WDR64: variants seen among roughly 807,000 people sequenced by gnomAD.
WDR64 encodes WD repeat domain 64, also known as WD repeat-containing protein 64.
In WDR64, 112 loss-of-function variants were observed where a neutral mutation model predicts 139.3. That is an observed-to-expected ratio of 0.80 (90% CI 0.69 to 0.94). WDR64 has a LOEUF of 0.94. Among genes scored for constraint, WDR64 ranks in the 40% least tolerant of loss-of-function variants. WDR64 has a pLI of 0.00. For synonymous variants in WDR64, 444 were observed against 437.7 expected (o/e 1.01, Z -0.18); for missense variants, 1,206 against 1,293.1 (o/e 0.93, Z 1.03).
chr1:241,760,560 T>C (rs1008072788), intron 15 of WDR64, among the ~76,000 whole-genome samples: 4 of 150,790 alleles, frequency 2.7e-5, no homozygotes, highest in South Asian at 2.1e-4. Flanking sequence ...ATATCTAATA[T>C]ACAGCAAACT....
chr1:241,671,197 T>C, intron 3 of WDR64, 21 bp downstream of exon 3: 1 of 1,426,474 alleles, frequency 7.0e-7, no homozygotes, highest in Non-Finnish European at 9.6e-7. Context: ...AATTTTCTCT[T>C]CCAAATTAGT....
At chr1:241,659,682 A>G (rs932763749) in intron 1 of WDR64, among the ~76,000 whole-genome samples, 3 of 152,098 alleles carry the variant, frequency 2.0e-5, no homozygotes, top group African/African-American at 4.8e-5. Flanking sequence ...TTTTTTTCAT[A>G]TATTTGTTGG....
At chr1:241,788,665 G>C (rs1226432776) in intron 24 of WDR64, among the ~76,000 whole-genome samples, 1 of 152,214 alleles carries the variant, frequency 6.6e-6, no homozygotes, top group Admixed American at 6.5e-5. Context: ...TAATTCAAAA[G>C]ATGGTAGAAG....
intron 17 of WDR64, among the ~76,000 whole-genome samples, chr1:241,770,285 G>A (rs201532092): frequency 6.6e-6 from 1 of 152,186 alleles, no homozygotes; most frequent in Non-Finnish European, 1.5e-5. Context: ...AGACAGGCTT[G>A]TAAGGTCCCC....
chr1:241,668,961 T>C (rs1396816003), intron 2 of WDR64, among the ~76,000 whole-genome samples: 1 of 152,016 alleles, frequency 6.6e-6, no homozygotes, highest in South Asian at 2.1e-4. Context: ...TGGTCTGGAT[T>C]AACATATCAT....
chr1:241,711,448 G>A (rs1482180008), intron 8 of WDR64, among the ~76,000 whole-genome samples: 2 of 152,070 alleles, frequency 1.3e-5, no homozygotes, highest in Admixed American at 1.3e-4. Flanking sequence ...AAGGGTTCCT[G>A]GCATTATGTG....
At chr1:241,769,060 A>C (rs1658307142) in intron 16 of WDR64, among the ~76,000 whole-genome samples, 2 of 152,192 alleles carry the variant, frequency 1.3e-5, no homozygotes, top group Non-Finnish European at 2.9e-5. Context: ...TGAGCCCAGG[A>C]GTTCAAGACC....
Position 241,699,901 on chromosome 1 carries a change from C to T in WDR64, c.975-11901C>T, listed in dbSNP as rs185283835. On this transcript the variant is annotated intron_variant, in intron 8 of 27. Transcript: ENST00000437684. ...TAACCTGAAAGCTATCGGAAGCCATCGAATGCTTTAAACAAGAGAGTAAAA... is the reference window on the plus strand; with the variant it reads ...TAACCTGAAAGCTATCGGAAGCCATTGAATGCTTTAAACAAGAGAGTAAAA... Among the ~76,000 whole-genome samples, 747 of 152,084 alleles carry T rather than the reference C, an allele frequency of 4.9e-3. 6 individuals carry two copies. The highest frequency in any genetic ancestry group is 0.017 in the African/African-American group (685 of 41,490).
intron 1 of WDR64, among the ~76,000 whole-genome samples, chr1:241,660,038 TG>T (rs1665761836): frequency 6.6e-6 from 1 of 152,200 alleles, no homozygotes; most frequent in South Asian, 2.1e-4. Flanking sequence ...TTTATAGTTT[TG>T]GGTTTTACAT....
chr1:241,687,252 C>T (rs1483135436), intron 7 of WDR64, among the ~76,000 whole-genome samples: 4 of 149,700 alleles, frequency 2.7e-5, no homozygotes, highest in South Asian at 2.1e-4. Flanking sequence ...TGCAGTGAGC[C>T]GAGATCGCAC....
At chr1:241,735,945 C>T (rs186700695) in intron 10 of WDR64, among the ~76,000 whole-genome samples, 123 of 151,178 alleles carry the variant, frequency 8.1e-4, no homozygotes, top group Admixed American at 2.6e-3. Flanking sequence ...CTTCAGGTCC[C>T]AGTTCAGAAA....
At chr1:241,773,797 C>G (rs745324806) in intron 20 of WDR64, among the ~76,000 whole-genome samples, 6 of 152,128 alleles carry the variant, frequency 3.9e-5, no homozygotes, top group African/African-American at 1.4e-4. Context: ...TTCATACATT[C>G]AAAATATTCA....
At chr1:241,684,792 C>G (rs961677187) in intron 7 of WDR64, among the ~76,000 whole-genome samples, 1 of 152,194 alleles carries the variant, frequency 6.6e-6, no homozygotes, top group Non-Finnish European at 1.5e-5. Context: ...GAGTCTCACT[C>G]TGTCGCCCAG....
intron 8 of WDR64, among the ~76,000 whole-genome samples, chr1:241,708,815 C>T (rs1250965714): frequency 6.7e-6 from 1 of 150,256 alleles, no homozygotes; most frequent in African/African-American, 2.5e-5. Context: ...ATTTGGATGA[C>T]AAGCGTGAGC....
At chr1:241,767,555 CT>C (rs1292583302) in intron 16 of WDR64, among the ~76,000 whole-genome samples, 1 of 152,060 alleles carries the variant, frequency 6.6e-6, no homozygotes, top group African/African-American at 2.4e-5. Flanking sequence ...TCAAGTTTAT[CT>C]AAGCATTTGG....
intron 19 of WDR64, among the ~76,000 whole-genome samples, chr1:241,771,927 CAT>C (rs1413265856): frequency 0.013 from 555 of 41,814 alleles, 9 homozygotes; most frequent in African/African-American, 0.058. Flanking sequence ...TATATACATA[CAT>C]ATACATACAT....
chr1:241,735,534 T>C (rs7544138), intron 10 of WDR64, among the ~76,000 whole-genome samples: 177 of 25,978 alleles, frequency 6.8e-3, no homozygotes, highest in South Asian at 0.019. Context: ...TCTCTCTCTC[T>C]TTTTTTTTTT....
chr1:241,777,560 G>C (rs961242498), intron 21 of WDR64, among the ~76,000 whole-genome samples: 3 of 146,532 alleles, frequency 2.0e-5, no homozygotes, highest in Non-Finnish European at 3.0e-5. Context: ...TGGGATTACA[G>C]GCACCTGACA....
chr1:241,699,455 G>A (rs565166838), intron 8 of WDR64, among the ~76,000 whole-genome samples: 138 of 152,246 alleles, frequency 9.1e-4, no homozygotes, highest in African/African-American at 3.2e-3. Flanking sequence ...CTAGGTTGTC[G>A]ACCTCATATG....
Sources: gnomAD v4.1 joint callset for allele counts (sites outside exome capture counted in the v4.1 genomes callset) on GRCh38, gnomAD v4.1.1 for gene constraint, MANE v1.5 for transcripts, NCBI Gene and HGNC (gene_info 2026-07-23, HGNC 2026-07-21) for gene names.